Variants in MBNL2 observed in about 807,000 individuals in gnomAD.
The protein encoded by MBNL2 is muscleblind like splicing regulator 2, also known as muscleblind-like protein 2.
MBNL2 carries 17 observed loss-of-function variants against 41.9 expected under a neutral mutation model. That is an observed-to-expected ratio of 0.41 (90% CI 0.28 to 0.61). The LOEUF (loss-of-function observed/expected upper bound fraction) is 0.61. Ranked by LOEUF, MBNL2 falls within the 20% of genes least tolerant of loss-of-function variation. MBNL2 has a pLI of 0.35. For missense variants in MBNL2, 336 were observed against 505.6 expected (o/e 0.66, Z 3.22); for synonymous variants, 195 against 182.9 (o/e 1.07, Z -0.53).
At chr13:97,261,967 C>T (rs946926960) in intron 1 of MBNL2, among the ~76,000 whole-genome samples, 1 of 152,230 alleles carries the variant, frequency 6.6e-6, no homozygotes, top group Non-Finnish European at 1.5e-5. Context: ...TTGCCATCTC[C>T]CCAAGCTCTT....
At chr13:97,243,964 T>C (rs907853566) in intron 1 of MBNL2, among the ~76,000 whole-genome samples, 2 of 152,198 alleles carry the variant, frequency 1.3e-5, no homozygotes, top group Admixed American at 1.3e-4. Context: ...CACTTCTGTC[T>C]TTCACAGTAT....
At position 97,366,626 on chromosome 13, in the gene MBNL2, C is replaced by A; in HGVS notation, c.1048+1455C>A. The A allele has an allele frequency of 2.1e-6, 2 of 951,786 alleles. No homozygotes were observed. Among genetic ancestry groups the A allele is most frequent in the Non-Finnish European group, 3.4e-6 (2 of 593,798 alleles). 59.0% of individuals were successfully genotyped at this position (951,786 alleles called of 1,614,324 possible). A position where few individuals can be genotyped will look rare whatever the true frequency, so the allele number is the denominator to read the frequency against. On this transcript the variant is annotated intron_variant, in intron 8 of 8. Coordinates refer to ENST00000679496, the MANE Select transcript of MBNL2 (RefSeq NM_001382683.1). The surrounding 1 kb of genome is among the most constrained non-coding windows in gnomAD (Gnocchi z 4.7). ...AGTGCTGATATTTAAAAAAAAAATT[C>A]TCGGTGAGAATTTTTTTTTCATGTT...
intron 2 of MBNL2, among the ~76,000 whole-genome samples, chr13:97,329,636 A>AATAT (rs2060212066): frequency 6.6e-6 from 1 of 150,850 alleles, no homozygotes; most frequent in Non-Finnish European, 1.5e-5. Context: ...CTAGACACAC[A>AATAT]ACACACACAC....
rs900296599 is a variant in MBNL2, at chr13:97,353,133, C to T, written c.805-3663C>T. ...AGTGGATGCCAACAGTGTTAGTTAC[C>T]ATAGTTTCTTGGATTGTTACACTGT... On this transcript the variant is annotated intron_variant, in intron 5 of 8. Coordinates refer to ENST00000679496, the MANE Select transcript of MBNL2 (RefSeq NM_001382683.1). Among the ~76,000 whole-genome samples the T allele has an allele frequency of 5.5e-4, 84 of 152,260 alleles. 1 individual carries two copies. Among genetic ancestry groups the T allele is most frequent in the African/African-American group, 1.9e-3 (78 of 41,544 alleles).
At chr13:97,298,198 T>A (rs1002503321) in intron 2 of MBNL2, among the ~76,000 whole-genome samples, 1 of 151,150 alleles carries the variant, frequency 6.6e-6, no homozygotes, top group Non-Finnish European at 1.5e-5. Context: ...TATAAATAAA[T>A]AAAAATAAAT....
At chr13:97,356,425 T>C (rs2062991073) in intron 5 of MBNL2, among the ~76,000 whole-genome samples, 1 of 152,144 alleles carries the variant, frequency 6.6e-6, no homozygotes. Flanking sequence ...ATTTTGCATT[T>C]TTTTTTCTGA....
At chr13:97,180,171 C>T in the MBNL2 span, among the ~76,000 whole-genome samples, 3 of 152,110 alleles carry the variant, frequency 2.0e-5, no homozygotes. Flanking sequence ...TTAGTAATGA[C>T]TTGGTTAGGG....
chr13:97,320,261 CTTT>C (rs57742449), intron 2 of MBNL2, among the ~76,000 whole-genome samples: 1 of 134,520 alleles, frequency 7.4e-6, no homozygotes, highest in Non-Finnish European at 1.6e-5. Flanking sequence ...CTGGAAGGGT[CTTT>C]TTTTTTTTTT....
At chr13:97,252,527 C>T (rs1052134710) in intron 1 of MBNL2, among the ~76,000 whole-genome samples, 1 of 152,122 alleles carries the variant, frequency 6.6e-6, no homozygotes, top group Non-Finnish European at 1.5e-5. Context: ...CAATTATATT[C>T]AAATATTATT....
the MBNL2 span, among the ~76,000 whole-genome samples, chr13:97,146,601 G>A: frequency 1.3e-5 from 2 of 152,148 alleles, no homozygotes; most frequent in African/African-American, 4.8e-5. Flanking sequence ...GGATAATTGA[G>A]ACAGAAAAAT....
Position 97,278,251 on chromosome 13 carries a change from C to CAAAAAA in MBNL2, c.174+1863_174+1868dup, listed in dbSNP as rs10606011. On this transcript the variant is annotated intron_variant, in intron 2 of 8. Coordinates refer to ENST00000679496, the MANE Select transcript of MBNL2 (RefSeq NM_001382683.1). Reference sequence around the variant, plus strand: ...CCTGGGTGATAGAGTGAGACTGTCTCAAAAAAAAAAAAAAAAAAAAAAAAA... The same window carrying CAAAAAA: ...CCTGGGTGATAGAGTGAGACTGTCTCAAAAAAAAAAAAAAAAAAAAAAAAAAAAAAA... Among the ~76,000 whole-genome samples, 52 of 40,530 alleles carry CAAAAAA rather than the reference C, an allele frequency of 1.3e-3. 8 individuals are homozygous for CAAAAAA. Among genetic ancestry groups the CAAAAAA allele is most frequent in the African/African-American group, 5.8e-3 (51 of 8,834 alleles). The allele number at this position is 40,530 out of a possible 152,430, so 26.6% of individuals were successfully genotyped here. A position where few individuals can be genotyped will look rare whatever the true frequency, so the allele number is the denominator to read the frequency against.
chr13:97,294,076 TTATTA>T (rs2056637078), intron 2 of MBNL2, among the ~76,000 whole-genome samples: 1 of 152,218 alleles, frequency 6.6e-6, no homozygotes, highest in African/African-American at 2.4e-5. Context: ...ATTTTCAACT[TTATTA>T]TATCTTTTTC....
At chr13:97,291,922 G>C (rs1205206704) in intron 2 of MBNL2, among the ~76,000 whole-genome samples, 1 of 40,824 alleles carries the variant, frequency 2.4e-5, no homozygotes, top group Non-Finnish European at 4.5e-5. Context: ...AAAAAAGTGG[G>C]CTGGGTGCGG....
At chr13:97,354,630 GGAA>G (rs1395283992) in intron 5 of MBNL2, among the ~76,000 whole-genome samples, 3 of 152,234 alleles carry the variant, frequency 2.0e-5, no homozygotes, top group South Asian at 2.1e-4. Flanking sequence ...CACTAAGACA[GGAA>G]GAAGAAGAAT....
At chr13:97,307,153 G>A (rs1356564610) in intron 2 of MBNL2, among the ~76,000 whole-genome samples, 6 of 152,094 alleles carry the variant, frequency 3.9e-5, no homozygotes, top group African/African-American at 1.4e-4. Context: ...AAATAAAAAC[G>A]TCTTCAATAA....
chr13:97,173,422 A>T, the MBNL2 span, among the ~76,000 whole-genome samples: 22 of 152,210 alleles, frequency 1.4e-4, no homozygotes, highest in African/African-American at 5.3e-4. Flanking sequence ...AGGCTGAAGG[A>T]CTTAGTGCAC....
At chr13:97,178,707 G>A in the MBNL2 span, among the ~76,000 whole-genome samples, 1 of 152,120 alleles carries the variant, frequency 6.6e-6, no homozygotes, top group Non-Finnish European at 1.5e-5. Flanking sequence ...ACCAGTCTGG[G>A]CATCATGGTG....
At chr13:97,234,340 T>A (rs528218236) in intron 1 of MBNL2, among the ~76,000 whole-genome samples, 9 of 152,178 alleles carry the variant, frequency 5.9e-5, no homozygotes, top group Non-Finnish European at 1.3e-4. Flanking sequence ...CCCTAATTCA[T>A]GATAGAATAC....
chr13:97,156,773 G>A, the MBNL2 span, among the ~76,000 whole-genome samples: 4 of 151,994 alleles, frequency 2.6e-5, no homozygotes, highest in African/African-American at 4.8e-5. Context: ...TTTGGTACCA[G>A]TGCCATGCTG....
Sources: allele counts gnomAD v4.1 joint callset (sites outside exome capture counted in the v4.1 genomes callset), GRCh38; gene constraint gnomAD v4.1.1; non-coding constraint Gnocchi (gnomAD v3.1); transcripts MANE v1.5; gene names NCBI Gene and HGNC (gene_info 2026-07-23, HGNC 2026-07-21).